APLP2: variants seen among roughly 807,000 people sequenced by gnomAD.
APLP2 encodes the protein CDEI box-binding protein.
A neutral mutation model predicts 89.9 loss-of-function variants in APLP2; 53 were observed. The observed-to-expected ratio is 0.59, with a 90% CI of 0.47 to 0.74. The LOEUF (loss-of-function observed/expected upper bound fraction) is 0.74, where lower values mean the gene tolerates loss of function less well. Among genes scored for constraint, APLP2 ranks in the 30% least tolerant of loss-of-function variants. The pLI, the probability that APLP2 is intolerant of heterozygous loss-of-function variation, is 0.00. For missense variants in APLP2, 973 were observed against 975.9 expected (o/e 1.00, Z 0.04); for synonymous variants, 372 against 348.6 (o/e 1.07, Z -0.75).
chr11:130,140,383 T>C lies in APLP2; in HGVS notation c.1838-15T>C, dbSNP rs140036528. The C allele has an allele frequency of 3.2e-4, 503 of 1,589,212 alleles. 5 individuals are homozygous for C. In the African/African-American group the frequency reaches 6.2e-3, roughly 19 times the overall value. ...GCCATCCTTGGGAACTCAGCCATGATCTCTCTCCACACAGGATCTGGAGTG... is the reference window on the plus strand; with the variant it reads ...GCCATCCTTGGGAACTCAGCCATGACCTCTCTCCACACAGGATCTGGAGTG... On this transcript the variant is annotated splice_polypyrimidine_tract_variant and intron_variant, in intron 13 of 16. Coordinates refer to ENST00000338167, the MANE Select transcript of APLP2 (RefSeq NM_001142276.2).
At chr11:130,084,614 AAATT>A (rs1454889750) in intron 1 of APLP2, among the ~76,000 whole-genome samples, 1 of 152,208 alleles carries the variant, frequency 6.6e-6, no homozygotes, top group Non-Finnish European at 1.5e-5. Context: ...ATCAAATGGG[AAATT>A]AGATGATGTT....
At chr11:130,121,275 C>T (rs1949787619) in intron 4 of APLP2, among the ~76,000 whole-genome samples, 1 of 152,164 alleles carries the variant, frequency 6.6e-6, no homozygotes, top group Non-Finnish European at 1.5e-5. Flanking sequence ...TGGTCAAATA[C>T]TGAAGTAGTG....
intron 1 of APLP2, 137 bp downstream of exon 1, chr11:130,070,219 G>A: frequency 2.4e-6 from 1 of 410,622 alleles, no homozygotes; most frequent in Non-Finnish European, 3.7e-6. Flanking sequence ...CGGGTCTGGC[G>A]CGCCCTCCCC....
chr11:130,102,590 G>C (rs1489889356), intron 1 of APLP2, among the ~76,000 whole-genome samples: 1 of 152,200 alleles, frequency 6.6e-6, no homozygotes, highest in Non-Finnish European at 1.5e-5. Context: ...ATAACTGGGT[G>C]TGCACGTTTG....
intron 1 of APLP2, chr11:130,101,561 T>C (rs1374071262): frequency 6.1e-6 from 1 of 162,904 alleles, no homozygotes; most frequent in African/African-American, 2.4e-5. Flanking sequence ...TACCTCAAAT[T>C]GTGTGTTCTC....
chr11:130,125,260 G>A (rs994040804), intron 7 of APLP2, among the ~76,000 whole-genome samples: 1 of 152,190 alleles, frequency 6.6e-6, no homozygotes, highest in Non-Finnish European at 1.5e-5. Flanking sequence ...CTCCACTCTG[G>A]TCCCAGGGAG....
At chr11:130,124,945 G>C (rs961857581) in intron 7 of APLP2, among the ~76,000 whole-genome samples, 7 of 152,224 alleles carry the variant, frequency 4.6e-5, no homozygotes, top group Admixed American at 2.0e-4. Flanking sequence ...GTGTGGAGGT[G>C]GTGATCTCTA....
At chr11:130,090,240 G>A (rs1219086930) in intron 1 of APLP2, among the ~76,000 whole-genome samples, 11 of 140,242 alleles carry the variant, frequency 7.8e-5, no homozygotes, top group African/African-American at 2.9e-4. Context: ...TCTAGTTCTA[G>A]CTCTGTCTTT....
intron 1 of APLP2, among the ~76,000 whole-genome samples, chr11:130,104,677 T>TG (rs759557541): frequency 6.6e-6 from 1 of 152,174 alleles, no homozygotes; most frequent in Non-Finnish European, 1.5e-5. Context: ...TTTCCTTCTT[T>TG]GGGGGAAGCA....
rs182580552 is a variant in APLP2 at position 130,128,662 on chromosome 11, A to T, written c.1297-386A>T. On this transcript the variant is annotated intron_variant, in intron 9 of 16. Coordinates refer to ENST00000338167, the MANE Select transcript of APLP2 (RefSeq NM_001142276.2). ...GGAATACTTCAACAGAACTTACCAC[A>T]TAACTCCCATTGGTCAGTGGTCTCA... 3.9e-5 allele frequency among the ~76,000 whole-genome samples: 6 copies of T among 152,212 alleles called. No individual in the cohort carries two copies. In the East Asian group the frequency reaches 1.2e-3, roughly 29 times the overall value.
intron 3 of APLP2, among the ~76,000 whole-genome samples, chr11:130,118,763 A>C (rs1281982035): frequency 1.3e-5 from 2 of 152,214 alleles, no homozygotes; most frequent in Non-Finnish European, 2.9e-5. Flanking sequence ...GCCTGTTTGC[A>C]GGTACTGCCT....
At chr11:130,093,577 A>C (rs916570511) in intron 1 of APLP2, among the ~76,000 whole-genome samples, 1 of 152,188 alleles carries the variant, frequency 6.6e-6, no homozygotes, top group Non-Finnish European at 1.5e-5. Context: ...AGAGATAACT[A>C]ATGAGAATTT....
chr11:130,108,784 T>A (rs1351891678), intron 1 of APLP2: 1 of 152,172 alleles, frequency 6.6e-6, no homozygotes, highest in Non-Finnish European at 1.5e-5. Context: ...CTATTCACAA[T>A]AGCAAAGACT....
Position 130,126,858 on chromosome 11 carries a change from A to T in APLP2, c.1221+28A>T. The T allele has an allele frequency of 1.9e-6, 3 of 1,613,510 alleles. No individual in the cohort carries two copies. The South Asian group carries it at 3.3e-5, about 18-fold the overall frequency. ...AAACCTTGACAATTTCTTCATCTTC[A>T]TGGTACTTGGCTTTGGGTAGCATGG... is the stretch of plus-strand genomic sequence containing the variant. On this transcript the variant is annotated intron_variant, in intron 8 of 16. Transcript: ENST00000338167.
intron 3 of APLP2, among the ~76,000 whole-genome samples, chr11:130,112,997 T>C (rs1006361224): frequency 2.0e-5 from 3 of 152,176 alleles, no homozygotes; most frequent in African/African-American, 7.2e-5. Context: ...AGTTGCCTCC[T>C]TTAAAGGGAG....
chr11:130,129,002 C>T (rs1950651114), intron 9 of APLP2, 46 bp from the exon 10 acceptor site: 1 of 1,581,908 alleles, frequency 6.3e-7, no homozygotes, highest in Non-Finnish European at 8.6e-7. Flanking sequence ...CTTAGGCTTC[C>T]TCTGGGTGCC....
chr11:130,085,318 G>A (rs1227224312), intron 1 of APLP2, among the ~76,000 whole-genome samples: 1 of 152,166 alleles, frequency 6.6e-6, no homozygotes, highest in Non-Finnish European at 1.5e-5. Context: ...CAAGCATGGT[G>A]GTAGGTGTGT....
At chr11:130,070,379 C>T (rs1236321857) in intron 1 of APLP2, among the ~76,000 whole-genome samples, 1 of 151,412 alleles carries the variant, frequency 6.6e-6, no homozygotes, top group East Asian at 1.9e-4. Context: ...CCGCCACCTC[C>T]TCCGGGGACC....
intron 3 of APLP2, among the ~76,000 whole-genome samples, chr11:130,113,565 A>C (rs1179003128): frequency 6.6e-6 from 1 of 152,196 alleles, no homozygotes; most frequent in African/African-American, 2.4e-5. Flanking sequence ...AAGGGGTGAC[A>C]TGACTGGAGT....
Sources: allele counts gnomAD v4.1 joint callset (sites outside exome capture counted in the v4.1 genomes callset), GRCh38; gene constraint gnomAD v4.1.1; transcripts MANE v1.5; gene names NCBI Gene and HGNC (gene_info 2026-07-23, HGNC 2026-07-21).